The following DPP10 variants were observed in gnomAD, a reference collection of about 807,000 sequenced individuals.
The protein encoded by DPP10 is inactive dipeptidyl peptidase 10.
Under a neutral mutation model 120.9 loss-of-function variants are expected in DPP10, and 33 were observed. The observed-to-expected ratio is 0.27, with a 90% CI of 0.21 to 0.37. The LOEUF (loss-of-function observed/expected upper bound fraction) is 0.37. DPP10 is among the 10% of genes least tolerant of loss of function. The pLI, the probability that DPP10 is intolerant of heterozygous loss-of-function variation, is 1.00. For synonymous variants in DPP10, 337 were observed against 326.1 expected, an observed-to-expected ratio of 1.03 and a Z score of -0.36; for missense variants, 816 against 942.8, an observed-to-expected ratio of 0.87 and a Z score of 1.76.
intron 1 of DPP10, among the ~76,000 whole-genome samples, chr2:114,900,799 T>C (rs978799620): frequency 5.3e-5 from 8 of 152,332 alleles, no homozygotes; most frequent in Non-Finnish European, 1.0e-4. Flanking sequence ...CCCAAAATAC[T>C]ATCTATGTAA....
intron 1 of DPP10, among the ~76,000 whole-genome samples, chr2:115,243,666 C>A (rs1344053887): frequency 6.6e-6 from 1 of 151,950 alleles, no homozygotes. Context: ...CATACATAGT[C>A]CAAGCAACCA....
At chr2:115,357,771 G>A (rs1001782486) in intron 3 of DPP10, among the ~76,000 whole-genome samples, 4 of 152,122 alleles carry the variant, frequency 2.6e-5, no homozygotes, top group African/African-American at 9.7e-5. Flanking sequence ...GGACATCTAG[G>A]CATTTCCATA....
intron 7 of DPP10, among the ~76,000 whole-genome samples, chr2:115,700,218 C>T (rs564548025): frequency 3.3e-5 from 5 of 152,252 alleles, no homozygotes; most frequent in Admixed American, 3.3e-4. Flanking sequence ...AATCATCTCC[C>T]AGCAGGCCCC....
intron 5 of DPP10, among the ~76,000 whole-genome samples, chr2:115,651,422 A>G (rs2087760099): frequency 6.6e-6 from 1 of 152,094 alleles, no homozygotes. Flanking sequence ...GCGCTGAATT[A>G]TCTTCTAAAA....
At chr2:114,613,854 A>G (rs1041451579) in intron 1 of DPP10, among the ~76,000 whole-genome samples, 4 of 152,154 alleles carry the variant, frequency 2.6e-5, no homozygotes, top group Non-Finnish European at 1.5e-5. Flanking sequence ...TATTCTCAGC[A>G]AACTAATACA....
chr2:114,452,194 A>T (rs1343674023), intron 1 of DPP10, among the ~76,000 whole-genome samples: 1 of 152,180 alleles, frequency 6.6e-6, no homozygotes, highest in African/African-American at 2.4e-5. Context: ...CTAGTAATAC[A>T]TGAATGGCTT....
chr2:114,968,815 G>C (rs891606364), intron 1 of DPP10, among the ~76,000 whole-genome samples: 2 of 152,172 alleles, frequency 1.3e-5, no homozygotes, highest in African/African-American at 4.8e-5. Flanking sequence ...CAACCATTCA[G>C]ATTCTTTCCC....
intron 1 of DPP10, among the ~76,000 whole-genome samples, chr2:114,733,413 T>C (rs1010555328): frequency 7.9e-5 from 12 of 152,128 alleles, no homozygotes; most frequent in Non-Finnish European, 2.9e-5. Context: ...AATTAAAGAA[T>C]TGGCTCTTTA....
chr2:114,852,391 A>T lies in DPP10; in HGVS notation c.60+409553A>T, dbSNP rs367883075. On this transcript the variant is annotated intron_variant, in intron 1 of 25. Coordinates refer to ENST00000410059, the MANE Select transcript of DPP10 (RefSeq NM_020868.6). ...AACCAACCACAGACAGAGGGAAAAT[A>T]TTTTTTTAAAAAATGGATGGTTGCA... 6.9e-4 allele frequency among the ~76,000 whole-genome samples: 105 copies of T among 151,826 alleles called. 2 individuals are homozygous for T. In the South Asian group the frequency reaches 0.021, roughly 31 times the overall value.
chr2:114,927,182 C>G (rs1044153898), intron 1 of DPP10, among the ~76,000 whole-genome samples: 6 of 151,996 alleles, frequency 3.9e-5, no homozygotes, highest in African/African-American at 1.4e-4. Flanking sequence ...GCATTCCAGG[C>G]TAATATGGGA....
chr2:114,687,516 C>T (rs529622074), intron 1 of DPP10, among the ~76,000 whole-genome samples: 30 of 151,960 alleles, frequency 2.0e-4, no homozygotes, highest in Non-Finnish European at 1.2e-4. Flanking sequence ...AACTTTAAAT[C>T]TGAACCCTGA....
intron 1 of DPP10, among the ~76,000 whole-genome samples, chr2:114,970,155 T>C (rs1192854363): frequency 2.6e-5 from 4 of 152,122 alleles, no homozygotes; most frequent in Admixed American, 6.6e-5. Flanking sequence ...GCCTGGAGCA[T>C]GCACAAGTTT....
intron 3 of DPP10, among the ~76,000 whole-genome samples, chr2:115,471,348 A>G (rs2074705402): frequency 1.3e-5 from 2 of 152,092 alleles, no homozygotes; most frequent in South Asian, 4.2e-4. Context: ...TTGCCATTTC[A>G]TTTCTTCTCT....
At chr2:115,734,019 T>C (rs1234454644) in intron 8 of DPP10, among the ~76,000 whole-genome samples, 2 of 152,252 alleles carry the variant, frequency 1.3e-5, no homozygotes, top group South Asian at 2.1e-4. Context: ...CCAGGATGAC[T>C]GTTAAGCAAA....
intron 1 of DPP10, among the ~76,000 whole-genome samples, chr2:115,080,390 T>C (rs1187604025): frequency 6.6e-6 from 1 of 152,190 alleles, no homozygotes; most frequent in Admixed American, 6.5e-5. Flanking sequence ...TTCTTCCTTG[T>C]AAGCTTGGAC....
intron 1 of DPP10, among the ~76,000 whole-genome samples, chr2:115,067,533 T>A (rs1706984109): frequency 7.0e-6 from 1 of 142,634 alleles, no homozygotes; most frequent in Non-Finnish European, 1.5e-5. Flanking sequence ...ATCACAGGCG[T>A]GAGCCACCGC....
At chr2:115,755,126 T>C (rs1679233161) in intron 11 of DPP10, among the ~76,000 whole-genome samples, 1 of 152,100 alleles carries the variant, frequency 6.6e-6, no homozygotes, top group South Asian at 2.1e-4. Context: ...CAGAGGCAAC[T>C]ACTATTCTGA....
intron 1 of DPP10, among the ~76,000 whole-genome samples, chr2:114,746,698 C>T (rs1465852328): frequency 1.3e-5 from 2 of 152,060 alleles, no homozygotes; most frequent in African/African-American, 2.4e-5. Flanking sequence ...GATGAGCAAA[C>T]CCCAAAGGAG....
intron 1 of DPP10, among the ~76,000 whole-genome samples, chr2:115,146,079 T>C (rs2051208936): frequency 6.6e-6 from 1 of 152,118 alleles, no homozygotes; most frequent in Non-Finnish European, 1.5e-5. Context: ...AAAAAAATCC[T>C]GAAGTTGAGA....
Sources: gnomAD v4.1 joint callset for allele counts (sites outside exome capture counted in the v4.1 genomes callset) on GRCh38, gnomAD v4.1.1 for gene constraint, MANE v1.5 for transcripts, NCBI Gene and HGNC (gene_info 2026-07-23, HGNC 2026-07-21) for gene names.